Variants in NLGN1 observed in about 807,000 individuals in gnomAD.
The protein encoded by NLGN1 is neuroligin 1, also known as neuroligin-1.
In NLGN1, 12 loss-of-function variants were observed where a neutral mutation model predicts 65.5. The ratio of observed to expected loss-of-function variants is 0.18; its 90% CI spans 0.12 to 0.30. The LOEUF (loss-of-function observed/expected upper bound fraction) is 0.30, where lower values mean the gene tolerates loss of function less well. NLGN1 is among the 10% of genes least tolerant of loss of function. The pLI is 1.00. For synonymous variants in NLGN1, 350 were observed against 359.5 expected (o/e 0.97, Z 0.30); for missense variants, 750 against 1,007.1 (o/e 0.74, Z 3.46).
intron 2 of NLGN1, among the ~76,000 whole-genome samples, chr3:173,598,862 A>G (rs546473897): frequency 6.6e-6 from 1 of 152,126 alleles, no homozygotes; most frequent in Non-Finnish European, 1.5e-5. Flanking sequence ...CCCTCTGCCC[A>G]TTTTCATGGG....
chr3:173,463,562 G>A (rs1423095081), intron 2 of NLGN1, among the ~76,000 whole-genome samples: 1 of 152,036 alleles, frequency 6.6e-6, no homozygotes, highest in Non-Finnish European at 1.5e-5. Flanking sequence ...TATCATCATC[G>A]TTGTCATTGT....
At chr3:173,465,166 G>A (rs188964558) in intron 2 of NLGN1, among the ~76,000 whole-genome samples, 1 of 152,322 alleles carries the variant, frequency 6.6e-6, no homozygotes, top group Non-Finnish European at 1.5e-5. Context: ...CTGGCCTGCT[G>A]CCATGCTTGC....
chr3:173,680,057 G>GA (rs1250340660), intron 3 of NLGN1, among the ~76,000 whole-genome samples: 1 of 152,090 alleles, frequency 6.6e-6, no homozygotes, highest in Non-Finnish European at 1.5e-5. Flanking sequence ...AATGAATGGA[G>GA]AAATATGTTC....
At chr3:173,977,516 A>G (rs1316774692) in intron 4 of NLGN1, among the ~76,000 whole-genome samples, 1 of 152,046 alleles carries the variant, frequency 6.6e-6, no homozygotes, top group Admixed American at 6.6e-5. Flanking sequence ...CTTAAGCCCC[A>G]AAGAAAAGGT....
At chr3:173,608,948 T>C (rs1751831227) in intron 3 of NLGN1, among the ~76,000 whole-genome samples, 1 of 151,952 alleles carries the variant, frequency 6.6e-6, no homozygotes, top group African/African-American at 2.4e-5. Flanking sequence ...AATCTAATAA[T>C]ACCACATGCT....
intron 2 of NLGN1, among the ~76,000 whole-genome samples, chr3:173,580,809 A>G (rs574440477): frequency 7.9e-5 from 12 of 152,172 alleles, no homozygotes; most frequent in Admixed American, 7.2e-4. Context: ...CTTGTTCAGT[A>G]TGGATGCTGA....
At chr3:173,667,080 A>C (rs1761803876) in intron 3 of NLGN1, among the ~76,000 whole-genome samples, 1 of 152,234 alleles carries the variant, frequency 6.6e-6, no homozygotes, top group Admixed American at 6.5e-5. Flanking sequence ...ATAATGGATT[A>C]CAACAACCCA....
intron 4 of NLGN1, among the ~76,000 whole-genome samples, chr3:173,909,777 C>T (rs1385981045): frequency 3.9e-5 from 6 of 152,134 alleles, no homozygotes; most frequent in Admixed American, 3.9e-4. Context: ...CTCCCAGGTT[C>T]AAGTAATTCT....
chr3:173,609,976 G>A (rs1207628214), intron 3 of NLGN1, among the ~76,000 whole-genome samples: 1 of 151,816 alleles, frequency 6.6e-6, no homozygotes, highest in African/African-American at 2.4e-5. Flanking sequence ...TCTGGAAAGG[G>A]GGAAAAGAGA....
Position 173,762,604 on chromosome 3 carries a change from C to G in NLGN1, c.494-45076C>G, listed in dbSNP as rs1193747216. On this transcript the variant is annotated intron_variant, in intron 3 of 6. Transcript: ENST00000457714. ...TTTATTATGTTTACTACACAATGAG[C>G]CTACCTAAGGCATTCTCTAGTTATG... Among the ~76,000 whole-genome samples the G allele has an allele frequency of 9.2e-5, 14 of 151,864 alleles. 1 individual carries two copies. The highest frequency in any genetic ancestry group is 9.2e-4 in the Admixed American group (14 of 15,204).
intron 4 of NLGN1, among the ~76,000 whole-genome samples, chr3:173,911,826 T>A (rs1024535343): frequency 6.6e-5 from 10 of 152,224 alleles, no homozygotes; most frequent in African/African-American, 1.9e-4. Flanking sequence ...ATTTTTATGC[T>A]GGCTAAAAGG....
At chr3:173,564,625 G>A (rs1010776665) in intron 2 of NLGN1, among the ~76,000 whole-genome samples, 3 of 152,182 alleles carry the variant, frequency 2.0e-5, no homozygotes, top group Non-Finnish European at 4.4e-5. Context: ...TGAGGAGATA[G>A]CAGCCTCAGA....
At chr3:173,772,207 A>G (rs1163485475) in intron 3 of NLGN1, among the ~76,000 whole-genome samples, 1 of 152,148 alleles carries the variant, frequency 6.6e-6, no homozygotes, top group East Asian at 1.9e-4. Flanking sequence ...TTAATAGTGT[A>G]TGGTAGGTTT....
intron 3 of NLGN1, among the ~76,000 whole-genome samples, chr3:173,662,504 G>A (rs1323791541): frequency 6.6e-6 from 1 of 151,968 alleles, no homozygotes; most frequent in Non-Finnish European, 1.5e-5. Flanking sequence ...GCAGCTTAAA[G>A]TTTATTCATA....
intron 4 of NLGN1, among the ~76,000 whole-genome samples, chr3:174,079,420 G>C (rs1031226365): frequency 6.6e-6 from 1 of 152,120 alleles, no homozygotes; most frequent in Non-Finnish European, 1.5e-5. Flanking sequence ...AGAGAAAAAG[G>C]AATCCTTATA....
At chr3:174,171,729 T>C (rs1728572221) in intron 4 of NLGN1, among the ~76,000 whole-genome samples, 1 of 152,140 alleles carries the variant, frequency 6.6e-6, no homozygotes, top group African/African-American at 2.4e-5. Context: ...ACACTCTACC[T>C]GTGAAACATT....
intron 4 of NLGN1, among the ~76,000 whole-genome samples, chr3:173,986,334 G>C (rs1052206994): frequency 6.6e-6 from 1 of 152,016 alleles, no homozygotes. Context: ...GGGCATGGTG[G>C]TGCGTGCCTG....
In NLGN1 at chr3:173,582,510, A is replaced by G. The variant is rs527799736; in HGVS notation, c.-320-21769A>G. Reference sequence around the variant, plus strand: ...TGCCAATTTCATGACTGGGAAACAAAAATCTCATTATTTTGAATTGCATTT... The same window carrying G: ...TGCCAATTTCATGACTGGGAAACAAGAATCTCATTATTTTGAATTGCATTT... On this transcript the variant is annotated intron_variant, in intron 2 of 6. Coordinates refer to ENST00000457714, the Ensembl canonical transcript of NLGN1. 1.2e-3 allele frequency among the ~76,000 whole-genome samples: 190 copies of G among 152,204 alleles called. 2 individuals are homozygous for G. The Middle Eastern group carries it at 0.024, about 19-fold the overall frequency.
intron 4 of NLGN1, among the ~76,000 whole-genome samples, chr3:174,235,623 ACTGGC>A (rs1311057452): frequency 1.7e-4 from 26 of 152,224 alleles, no homozygotes; most frequent in Admixed American, 7.8e-4. Context: ...ACCCTTCTCA[ACTGGC>A]TTGATATTAT....
Sources: allele counts gnomAD v4.1 joint callset (sites outside exome capture counted in the v4.1 genomes callset), GRCh38; gene constraint gnomAD v4.1.1; transcripts MANE v1.5; gene names NCBI Gene and HGNC (gene_info 2026-07-23, HGNC 2026-07-21).